Variants in COL25A1 observed in about 807,000 individuals in gnomAD.
COL25A1 encodes collagen alpha-1(XXV) chain.
In COL25A1, 103 loss-of-function variants were observed where a neutral mutation model predicts 128.4. The observed-to-expected ratio is 0.80, with a 90% confidence interval of 0.68 to 0.94. The LOEUF is 0.94. Ranked by LOEUF, COL25A1 falls within the 40% of genes least tolerant of loss-of-function variation. The pLI, the probability that COL25A1 is intolerant of heterozygous loss-of-function variation, is 0.00. For missense variants in COL25A1, 745 were observed against 840.0 expected (o/e 0.89, Z 1.40); for synonymous variants, 279 against 277.2 (o/e 1.01, Z -0.06).
chr4:109,229,586 G>A (rs1276832154), intron 3 of COL25A1, among the ~76,000 whole-genome samples: 1 of 152,172 alleles, frequency 6.6e-6, no homozygotes, highest in Non-Finnish European at 1.5e-5. Context: ...TAAGCACTGT[G>A]TTTGAACCAT....
At chr4:109,256,806 C>T (rs769627121) in intron 3 of COL25A1, among the ~76,000 whole-genome samples, 8 of 152,104 alleles carry the variant, frequency 5.3e-5, no homozygotes, top group Non-Finnish European at 7.4e-5. Context: ...CTAGATCATA[C>T]CTAAACCTCC....
chr4:108,983,740 A>G (rs1231378978), intron 6 of COL25A1, among the ~76,000 whole-genome samples: 1 of 150,852 alleles, frequency 6.6e-6, no homozygotes, highest in African/African-American at 2.4e-5. Flanking sequence ...ACAGCTCTTA[A>G]GGCGGTGCGT....
At chr4:109,003,742 G>A (rs1755690760) in intron 6 of COL25A1, among the ~76,000 whole-genome samples, 1 of 152,186 alleles carries the variant, frequency 6.6e-6, no homozygotes, top group South Asian at 2.1e-4. Flanking sequence ...CAGGGTTGCA[G>A]TGAGCCAAGA....
chr4:109,056,402 T>C (rs1399066629), intron 3 of COL25A1, among the ~76,000 whole-genome samples: 1 of 152,122 alleles, frequency 6.6e-6, no homozygotes, highest in East Asian at 1.9e-4. Context: ...TCCCCTAAAG[T>C]CAGTAATTAG....
At chr4:108,977,110 T>A (rs1752511708) in intron 6 of COL25A1, among the ~76,000 whole-genome samples, 1 of 152,154 alleles carries the variant, frequency 6.6e-6, no homozygotes, top group African/African-American at 2.4e-5. Flanking sequence ...GAAAGAAGGA[T>A]ACCTATCTGG....
At chr4:109,226,786 C>A (rs980986898) in intron 3 of COL25A1, among the ~76,000 whole-genome samples, 4 of 151,948 alleles carry the variant, frequency 2.6e-5, no homozygotes, top group African/African-American at 9.7e-5. Context: ...TGGCAGAACA[C>A]GTGATAGGCC....
chr4:109,168,849 T>C (rs547221797), intron 3 of COL25A1, among the ~76,000 whole-genome samples: 17 of 152,330 alleles, frequency 1.1e-4, no homozygotes, highest in African/African-American at 3.8e-4. Context: ...AATCTTTTTA[T>C]ATCTCTTGAT....
chr4:109,195,238 T>G (rs1775933156), intron 3 of COL25A1, among the ~76,000 whole-genome samples: 1 of 152,204 alleles, frequency 6.6e-6, no homozygotes, highest in South Asian at 2.1e-4. Flanking sequence ...AGAAGCACAT[T>G]GAGCACAGTA....
At chr4:109,284,537 C>G (rs1029976633) in intron 3 of COL25A1, among the ~76,000 whole-genome samples, 8 of 152,172 alleles carry the variant, frequency 5.3e-5, no homozygotes, top group Non-Finnish European at 1.2e-4. Flanking sequence ...AAATGCAATT[C>G]CAAAGGTGCT....
intron 3 of COL25A1, among the ~76,000 whole-genome samples, chr4:109,215,146 TAC>T (rs1342619609): frequency 5.3e-5 from 8 of 152,316 alleles, no homozygotes; most frequent in Non-Finnish European, 2.9e-5. Flanking sequence ...AGCTGGCAGA[TAC>T]ACACAGTCTA....
intron 6 of COL25A1, among the ~76,000 whole-genome samples, chr4:108,999,332 A>C (rs1755117921): frequency 6.6e-6 from 1 of 152,252 alleles, no homozygotes; most frequent in Non-Finnish European, 1.5e-5. Flanking sequence ...TCTCAAAAGA[A>C]GACATTTATG....
intron 5 of COL25A1, among the ~76,000 whole-genome samples, chr4:109,017,308 C>G (rs1029658975): frequency 6.6e-6 from 1 of 152,218 alleles, no homozygotes; most frequent in East Asian, 1.9e-4. Context: ...TCTGGCTCAC[C>G]CTTGGCATGT....
intron 3 of COL25A1, among the ~76,000 whole-genome samples, chr4:109,061,069 G>A (rs147195414): frequency 6.6e-6 from 1 of 152,234 alleles, no homozygotes; most frequent in African/African-American, 2.4e-5. Flanking sequence ...CTTACACATT[G>A]GTCCAACACA....
chr4:109,109,171 C>T (rs4541603), intron 3 of COL25A1, among the ~76,000 whole-genome samples: 1 of 151,908 alleles, frequency 6.6e-6, no homozygotes, highest in African/African-American at 2.4e-5. Flanking sequence ...TCACCACAAC[C>T]TCCTCCTCCT....
intron 6 of COL25A1, among the ~76,000 whole-genome samples, chr4:108,987,719 A>G (rs1342691601): frequency 1.3e-5 from 2 of 152,140 alleles, no homozygotes; most frequent in Non-Finnish European, 2.9e-5. Flanking sequence ...TGAGCTATGA[A>G]GCTACTTGGA....
chr4:109,098,655 T>C (rs1002888587), intron 3 of COL25A1, among the ~76,000 whole-genome samples: 6 of 152,350 alleles, frequency 3.9e-5, no homozygotes, highest in African/African-American at 1.4e-4. Context: ...ATCTTCTTTA[T>C]TCACATTAGT....
At position 108,810,847 on chromosome 4, in the gene COL25A1, A is replaced by C. The variant is rs1217336090; in HGVS notation, c.*3080T>G. ...TAAAATAACACACTAATGATTTAGG[A>C]ATGCTATTAAACAGGGAAATAAAAT... On this transcript the variant is annotated 3_prime_UTR_variant, in exon 38 of 38. Transcript: ENST00000399132. 1 of 152,072 alleles carries C rather than the reference A, an allele frequency of 6.6e-6. No individual in the cohort carries two copies. Among genetic ancestry groups the C allele is most frequent in the Non-Finnish European group, 1.5e-5 (1 of 67,916 alleles). The allele number at this position is 152,072 out of a possible 1,614,324, so 9.4% of individuals were successfully genotyped here.
chr4:109,269,896 G>A (rs866426472), intron 3 of COL25A1, among the ~76,000 whole-genome samples: 12 of 152,264 alleles, frequency 7.9e-5, no homozygotes, highest in African/African-American at 2.2e-4. Context: ...TCATCCCTGG[G>A]ATGCAAGGCT....
Position 108,990,229 on chromosome 4 carries a change from AAAAAAAAAAAATATATATATATAT to A in COL25A1, c.439-15694_439-15671del, listed in dbSNP as rs1470320971. On this transcript the variant is annotated intron_variant, in intron 6 of 37. Transcript: ENST00000399132. ...CTCCATCTCAAAAAAAAAAAAAAAA[AAAAAAAAAAAATATATATATATAT>A]ATATATATATATATATATATCTCAA... is the stretch of plus-strand genomic sequence containing the variant. Among the ~76,000 whole-genome samples, 7 of 72,302 alleles carry A rather than the reference AAAAAAAAAAAATATATATATATAT, an allele frequency of 9.7e-5. No homozygotes were observed. In the East Asian group the frequency reaches 1.8e-3, roughly 19 times the overall value. The allele number at this position is 72,302 out of a possible 152,430, so 47.4% of individuals were successfully genotyped here.
Sources: gnomAD v4.1 joint callset for allele counts (sites outside exome capture counted in the v4.1 genomes callset) on GRCh38, gnomAD v4.1.1 for gene constraint, MANE v1.5 for transcripts, NCBI Gene and HGNC (gene_info 2026-07-23, HGNC 2026-07-21) for gene names.